The following FHIT variants were observed in gnomAD, a reference collection of about 807,000 sequenced individuals.
The protein encoded by FHIT is fragile histidine triad diadenosine triphosphatase, also known as bis(5'-adenosyl)-triphosphatase.
FHIT carries 19 observed loss-of-function variants against 17.9 expected under a neutral mutation model. The observed-to-expected ratio is 1.06, with a 90% CI of 0.74 to 1.56. The LOEUF (loss-of-function observed/expected upper bound fraction) is 1.56. Ranked by LOEUF, FHIT falls within the 40% of genes most tolerant of loss-of-function variation. FHIT has a pLI of 0.00. For missense variants in FHIT, 248 were observed against 189.2 expected, an observed-to-expected ratio of 1.31 and a Z score of -1.82; for synonymous variants, 81 against 69.7, an observed-to-expected ratio of 1.16 and a Z score of -0.81.
chr3:61,042,165 A>C (rs1471636333), intron 2 of FHIT, 66 bp from the exon 3 acceptor site: 1 of 152,258 alleles, frequency 6.6e-6, no homozygotes, highest in Non-Finnish European at 1.5e-5. Flanking sequence ...ACTCTTTTGC[A>C]GAAGCACTGA....
At chr3:61,203,179 C>CAAAAAAA (rs397876939) in intron 1 of FHIT, among the ~76,000 whole-genome samples, 1,671 of 86,240 alleles carry the variant, frequency 0.019, 38 homozygotes, top group African/African-American at 0.022. Context: ...GACTCCGTCT[C>CAAAAAAA]AAAAAAAAAA....
At chr3:61,039,720 G>A (rs1023400208) in intron 3 of FHIT, among the ~76,000 whole-genome samples, 3 of 152,108 alleles carry the variant, frequency 2.0e-5, no homozygotes, top group African/African-American at 4.8e-5. Context: ...AGGAGTCTGC[G>A]GGGGTTAGCA....
chr3:60,994,260 G>A (rs2030490004), intron 3 of FHIT, among the ~76,000 whole-genome samples: 1 of 152,130 alleles, frequency 6.6e-6, no homozygotes, highest in Non-Finnish European at 1.5e-5. Flanking sequence ...TGCTATGAAA[G>A]CTAAGATTCT....
At chr3:60,305,902 T>G (rs1708649347) in intron 5 of FHIT, among the ~76,000 whole-genome samples, 1 of 152,186 alleles carries the variant, frequency 6.6e-6, no homozygotes, top group Non-Finnish European at 1.5e-5. Flanking sequence ...TTTGGAATTT[T>G]TATTGAACTT....
intron 8 of FHIT, among the ~76,000 whole-genome samples, chr3:59,900,915 G>A (rs889508086): frequency 2.6e-5 from 4 of 152,094 alleles, no homozygotes; most frequent in Non-Finnish European, 5.9e-5. Context: ...CGCCCGGCCA[G>A]GCCACACTGT....
At chr3:61,139,675 G>C (rs1167514847) in intron 2 of FHIT, among the ~76,000 whole-genome samples, 1 of 152,000 alleles carries the variant, frequency 6.6e-6, no homozygotes, top group Non-Finnish European at 1.5e-5. Context: ...TGTAATAGAC[G>C]CTTCAATAAA....
intron 8 of FHIT, among the ~76,000 whole-genome samples, chr3:59,866,397 T>TCC (rs1210208167): frequency 6.6e-6 from 1 of 152,162 alleles, no homozygotes; most frequent in African/African-American, 2.4e-5. Context: ...AGGCAGATCA[T>TCC]TCGGGGCATT....
intron 2 of FHIT, among the ~76,000 whole-genome samples, chr3:61,058,440 G>A (rs2034304205): frequency 1.3e-5 from 2 of 152,148 alleles, no homozygotes; most frequent in Admixed American, 6.5e-5. Context: ...TTGTGTCCAC[G>A]CCTAAATCTC....
chr3:60,964,906 GT>G (rs1553782650), intron 3 of FHIT, among the ~76,000 whole-genome samples: 1 of 152,100 alleles, frequency 6.6e-6, no homozygotes, highest in Non-Finnish European at 1.5e-5. Context: ...ACAATTATGT[GT>G]CTTGGAGTTG....
At chr3:60,043,400 C>T (rs746052952) in intron 5 of FHIT, among the ~76,000 whole-genome samples, 2 of 152,090 alleles carry the variant, frequency 1.3e-5, no homozygotes, top group Non-Finnish European at 2.9e-5. Flanking sequence ...TTTCTAGCAC[C>T]GTGCCAGGCA....
chr3:61,202,955 C>A (rs2039075713), intron 1 of FHIT, among the ~76,000 whole-genome samples: 1 of 151,860 alleles, frequency 6.6e-6, no homozygotes, highest in South Asian at 2.1e-4. Flanking sequence ...CCGAGGCAGG[C>A]AGATCACGAG....
At chr3:60,600,898 G>A (rs558088426) in intron 4 of FHIT, among the ~76,000 whole-genome samples, 3 of 152,236 alleles carry the variant, frequency 2.0e-5, no homozygotes, top group South Asian at 2.1e-4. Context: ...TCTCATGAGC[G>A]GATGCAACAG....
chr3:60,674,857 A>G (rs1032052542), intron 4 of FHIT, among the ~76,000 whole-genome samples: 1 of 152,152 alleles, frequency 6.6e-6, no homozygotes, highest in Non-Finnish European at 1.5e-5. Context: ...CCTTCAGACA[A>G]TGACCTGCAA....
intron 5 of FHIT, among the ~76,000 whole-genome samples, chr3:60,117,837 T>C (rs1171064357): frequency 6.6e-6 from 1 of 151,990 alleles, no homozygotes; most frequent in Non-Finnish European, 1.5e-5. Context: ...TGTACAACCT[T>C]CAGGATGTTC....
intron 5 of FHIT, among the ~76,000 whole-genome samples, chr3:60,278,152 C>G (rs1015439866): frequency 9.9e-5 from 15 of 152,146 alleles, no homozygotes; most frequent in African/African-American, 3.6e-4. Flanking sequence ...GAGTTAAAAA[C>G]TCTTGCAGCC....
intron 2 of FHIT, among the ~76,000 whole-genome samples, chr3:61,097,792 A>G (rs1024582785): frequency 2.0e-5 from 3 of 151,914 alleles, no homozygotes; most frequent in African/African-American, 7.3e-5. Context: ...CCACTTTTTA[A>G]TGGGGTTGTT....
chr3:59,942,437 C>T (rs1289277021), intron 7 of FHIT, among the ~76,000 whole-genome samples: 1 of 152,096 alleles, frequency 6.6e-6, no homozygotes, highest in Non-Finnish European at 1.5e-5. Context: ...GTTTGTCAGA[C>T]CATTGGTTAA....
chr3:60,530,117 CAT>C (rs963483459), intron 5 of FHIT, among the ~76,000 whole-genome samples: 8 of 152,168 alleles, frequency 5.3e-5, no homozygotes, highest in Non-Finnish European at 1.2e-4. Context: ...GAAGGTAAAA[CAT>C]AGTATGGAAG....
chr3:60,796,062 C>T (rs962000827), intron 4 of FHIT, among the ~76,000 whole-genome samples: 4 of 152,132 alleles, frequency 2.6e-5, no homozygotes, highest in Non-Finnish European at 5.9e-5. Flanking sequence ...GAAGCAAAAG[C>T]AGAAACCCCT....
Sources: gnomAD v4.1 joint callset for allele counts (sites outside exome capture counted in the v4.1 genomes callset) on GRCh38, gnomAD v4.1.1 for gene constraint, MANE v1.5 for transcripts, NCBI Gene and HGNC (gene_info 2026-07-23, HGNC 2026-07-21) for gene names.